CDH13: variants seen among roughly 807,000 people sequenced by gnomAD.
The protein encoded by CDH13 is cadherin-13.
Under a neutral mutation model 63.8 loss-of-function variants are expected in CDH13, and 24 were observed. The observed-to-expected ratio is 0.38, with a 90% CI of 0.27 to 0.53. The LOEUF is 0.53. Ranked by LOEUF, CDH13 falls within the 20% of genes least tolerant of loss-of-function variation. The pLI, the probability that CDH13 is intolerant of heterozygous loss-of-function variation, is 0.85. For missense variants in CDH13, 1,049 were observed against 903.1 expected (o/e 1.16, Z -2.07); for synonymous variants, 503 against 355.3 (o/e 1.42, Z -4.67).
intron 2 of CDH13, among the ~76,000 whole-genome samples, chr16:82,915,999 G>C (rs1424689474): frequency 6.6e-6 from 1 of 151,872 alleles, no homozygotes; most frequent in Admixed American, 6.6e-5. Flanking sequence ...GAGACTTTTG[G>C]GCTCTGTTTT....
intron 7 of CDH13, among the ~76,000 whole-genome samples, chr16:83,598,623 T>C (rs1040600854): frequency 6.6e-6 from 1 of 152,094 alleles, no homozygotes; most frequent in African/African-American, 2.4e-5. Flanking sequence ...CTACGGAACA[T>C]CTGAATCAAG....
intron 5 of CDH13, among the ~76,000 whole-genome samples, chr16:83,274,858 A>G (rs559280200): frequency 6.6e-6 from 1 of 152,270 alleles, no homozygotes; most frequent in Non-Finnish European, 1.5e-5. Flanking sequence ...TTTGATTTGG[A>G]TAAGAGTTTG....
intron 2 of CDH13, among the ~76,000 whole-genome samples, chr16:82,958,785 G>A (rs1345184463): frequency 1.3e-5 from 2 of 152,246 alleles, no homozygotes. Flanking sequence ...AAGAGAGACG[G>A]TTAACTTGGG....
At chr16:83,166,894 T>C (rs2037698751) in intron 4 of CDH13, among the ~76,000 whole-genome samples, 1 of 152,128 alleles carries the variant, frequency 6.6e-6, no homozygotes, top group Admixed American at 6.6e-5. Flanking sequence ...ATCTCCCAAA[T>C]GTTTCAAAAA....
At chr16:82,901,560 G>A (rs1055415932) in intron 2 of CDH13, among the ~76,000 whole-genome samples, 30 of 152,234 alleles carry the variant, frequency 2.0e-4, no homozygotes, top group African/African-American at 6.5e-4. Flanking sequence ...TGCACTCTAG[G>A]TTCTAGAAGG....
intron 4 of CDH13, among the ~76,000 whole-genome samples, chr16:83,215,073 C>CTTTTTTTT (rs571565652): frequency 0.51 from 28,816 of 55,956 alleles, 10,582 homozygotes; most frequent in South Asian, 0.64. Context: ...TCAAACACCT[C>CTTTTTTTT]TTTTTTTTTT....
At chr16:83,409,329 G>A (rs1301523880) in intron 6 of CDH13, among the ~76,000 whole-genome samples, 1 of 152,164 alleles carries the variant, frequency 6.6e-6, no homozygotes, top group Non-Finnish European at 1.5e-5. Context: ...AGCACTCCTG[G>A]GCTACCATGT....
At chr16:83,346,840 T>G (rs1440882385) in intron 6 of CDH13, among the ~76,000 whole-genome samples, 5 of 152,258 alleles carry the variant, frequency 3.3e-5, no homozygotes, top group African/African-American at 1.2e-4. Flanking sequence ...ATTGAATTTC[T>G]TAAATCACAG....
chr16:83,754,403 T>G (rs1913334681), intron 11 of CDH13, among the ~76,000 whole-genome samples: 1 of 152,166 alleles, frequency 6.6e-6, no homozygotes, highest in Non-Finnish European at 1.5e-5. Context: ...AGCCAGAAGT[T>G]GACTCAGTCT....
intron 4 of CDH13, among the ~76,000 whole-genome samples, chr16:83,183,654 G>C (rs9931994): frequency 2.0e-5 from 3 of 152,014 alleles, no homozygotes; most frequent in Non-Finnish European, 4.4e-5. Flanking sequence ...CTTCCATTTC[G>C]CTCTGGATCC....
At chr16:82,753,810 C>A (rs890458342) in intron 1 of CDH13, among the ~76,000 whole-genome samples, 1 of 152,190 alleles carries the variant, frequency 6.6e-6, no homozygotes, top group African/African-American at 2.4e-5. Flanking sequence ...CAGAAGCTGT[C>A]CAAACATCAA....
intron 6 of CDH13, among the ~76,000 whole-genome samples, chr16:83,391,165 T>C (rs557473266): frequency 6.6e-6 from 1 of 152,104 alleles, no homozygotes; most frequent in South Asian, 2.1e-4. Context: ...AGATGCTCTT[T>C]AGTATCCTTC....
chr16:83,222,551 C>T (rs1021806927), intron 5 of CDH13, among the ~76,000 whole-genome samples: 9 of 152,096 alleles, frequency 5.9e-5, no homozygotes. Context: ...ACAAATGATG[C>T]ACATATTACC....
chr16:83,514,815 C>A (rs879723297), intron 7 of CDH13, among the ~76,000 whole-genome samples: 2 of 152,224 alleles, frequency 1.3e-5, no homozygotes, highest in African/African-American at 2.4e-5. Flanking sequence ...AACAGATGTT[C>A]CCTCAGAACT....
chr16:83,095,194 G>A (rs976302198), intron 3 of CDH13, among the ~76,000 whole-genome samples: 1 of 152,186 alleles, frequency 6.6e-6, no homozygotes, highest in Non-Finnish European at 1.5e-5. Flanking sequence ...CTACAAACAT[G>A]ACATCATGGA....
At chr16:83,053,475 G>A (rs2030599931) in intron 3 of CDH13, among the ~76,000 whole-genome samples, 1 of 152,110 alleles carries the variant, frequency 6.6e-6, no homozygotes, top group South Asian at 2.1e-4. Context: ...GTAAAGTGAA[G>A]TATAGGAGAA....
At position 83,037,483 on chromosome 16, in the gene CDH13, A is replaced by T. The variant is rs527478411; in HGVS notation, c.366+5265A>T. 2.0e-3 allele frequency among the ~76,000 whole-genome samples: 306 copies of T among 152,346 alleles called. 1 individual carries two copies. Among genetic ancestry groups the T allele is most frequent in the Middle Eastern group, 0.017 (5 of 294 alleles). On this transcript the variant is annotated intron_variant, in intron 3 of 13. Coordinates refer to ENST00000567109, the MANE Select transcript of CDH13 (RefSeq NM_001257.5). ...ATGGGAGCAATGGAGGGAAACCAGA[A>T]GCAAGATTTGCCAGAAAGGAAGAAA...
intron 1 of CDH13, among the ~76,000 whole-genome samples, chr16:82,630,828 G>T (rs960199170): frequency 1.3e-5 from 2 of 152,180 alleles, no homozygotes; most frequent in African/African-American, 4.8e-5. Context: ...GTGTTTCTGT[G>T]TGCGCGTCTG....
intron 2 of CDH13, among the ~76,000 whole-genome samples, chr16:82,881,955 C>T (rs1326145745): frequency 6.6e-6 from 1 of 152,168 alleles, no homozygotes; most frequent in Non-Finnish European, 1.5e-5. Context: ...GTACTAATTC[C>T]TGTCTTTCAA....
Sources: allele counts gnomAD v4.1 joint callset (sites outside exome capture counted in the v4.1 genomes callset), GRCh38; gene constraint gnomAD v4.1.1; transcripts MANE v1.5; gene names NCBI Gene and HGNC (gene_info 2026-07-23, HGNC 2026-07-21).